The following THEMIS variants were observed in gnomAD, a reference collection of about 807,000 sequenced individuals.
THEMIS encodes the protein thymocyte selection associated.
Under a neutral mutation model 52.6 loss-of-function variants are expected in THEMIS, and 37 were observed. The observed-to-expected ratio is 0.70, with a 90% CI of 0.54 to 0.93. THEMIS has a LOEUF of 0.93. Among genes scored for constraint, THEMIS ranks in the 40% least tolerant of loss-of-function variants. The probability of loss-of-function intolerance (pLI) is 0.00; values close to 1 mark genes in which losing one functional copy is unlikely to be tolerated. For synonymous variants in THEMIS, 292 were observed against 272.7 expected (o/e 1.07, Z -0.70); for missense variants, 808 against 763.1 (o/e 1.06, Z -0.69).
At chr6:127,913,230 T>C (rs181884079) in intron 1 of THEMIS, among the ~76,000 whole-genome samples, 1 of 152,332 alleles carries the variant, frequency 6.6e-6, no homozygotes, top group East Asian at 1.9e-4. Context: ...AAGTCTCTTA[T>C]ACTCATCACT....
At chr6:127,845,244 T>C (rs557524114) in intron 2 of THEMIS, among the ~76,000 whole-genome samples, 1 of 151,962 alleles carries the variant, frequency 6.6e-6, no homozygotes, top group Non-Finnish European at 1.5e-5. Flanking sequence ...TTCTGGGCAC[T>C]CTTGCCAAGG....
At chr6:127,875,840 A>G (rs998107675) in intron 1 of THEMIS, among the ~76,000 whole-genome samples, 1 of 152,188 alleles carries the variant, frequency 6.6e-6, no homozygotes, top group African/African-American at 2.4e-5. Flanking sequence ...TTGTCCTCTC[A>G]TGCCGATGAA....
At chr6:127,824,620 G>A (rs549432586) in intron 3 of THEMIS, among the ~76,000 whole-genome samples, 2 of 151,964 alleles carry the variant, frequency 1.3e-5, no homozygotes, top group Admixed American at 6.5e-5. Flanking sequence ...AACCCCAAAA[G>A]AGGAAGATAT....
chr6:127,747,643 T>A (rs1775496001), intron 4 of THEMIS, among the ~76,000 whole-genome samples: 1 of 151,782 alleles, frequency 6.6e-6, no homozygotes, highest in Admixed American at 6.6e-5. Flanking sequence ...TCTTTTCCCA[T>A]GATAATCATT....
intron 4 of THEMIS, among the ~76,000 whole-genome samples, chr6:127,793,258 T>A (rs1034802543): frequency 6.6e-6 from 1 of 152,054 alleles, no homozygotes; most frequent in Admixed American, 6.6e-5. Flanking sequence ...TGAAGAGGAA[T>A]CTCAACAAGA....
intron 4 of THEMIS, among the ~76,000 whole-genome samples, chr6:127,794,476 C>G (rs1777260575): frequency 6.6e-6 from 1 of 152,192 alleles, no homozygotes; most frequent in South Asian, 2.1e-4. Flanking sequence ...CGCAATATTT[C>G]AGCCTTCTGA....
intron 4 of THEMIS, among the ~76,000 whole-genome samples, chr6:127,765,408 G>A (rs916073313): frequency 3.3e-5 from 5 of 152,054 alleles, no homozygotes; most frequent in African/African-American, 1.2e-4. Context: ...CTGATACCAG[G>A]TCACTAGCTG....
chr6:127,913,909 A>T (rs1414627428), intron 1 of THEMIS, among the ~76,000 whole-genome samples: 1 of 152,198 alleles, frequency 6.6e-6, no homozygotes, highest in Non-Finnish European at 1.5e-5. Context: ...AGCAAACAGC[A>T]CATAAAATGG....
chr6:127,821,011 T>C (rs1274408800), intron 3 of THEMIS, among the ~76,000 whole-genome samples: 3 of 151,946 alleles, frequency 2.0e-5, no homozygotes, highest in Non-Finnish European at 4.4e-5. Flanking sequence ...ATAGTGTTGT[T>C]TTTCTTATAA....
chr6:127,744,842 TAC>T (rs112041681), intron 4 of THEMIS, among the ~76,000 whole-genome samples: 45 of 149,086 alleles, frequency 3.0e-4, no homozygotes, highest in South Asian at 6.4e-4. Context: ...TACACACACA[TAC>T]ACACACACAC....
Position 127,708,470 on chromosome 6 carries a change from C to G in THEMIS, c.*1515G>C, listed in dbSNP as rs2114441859. ...ATTCCAAACAAAAATATTAATTATT[C>G]ACTATTGTTTGAAAAATAACAAATT... is the stretch of plus-strand genomic sequence containing the variant. On this transcript the variant is annotated 3_prime_UTR_variant, in exon 6 of 6. Coordinates refer to ENST00000368248, the MANE Select transcript of THEMIS (RefSeq NM_001010923.3). 1 of 152,104 alleles carries G rather than the reference C, an allele frequency of 6.6e-6. No homozygotes were observed. Among genetic ancestry groups the G allele is most frequent in the African/African-American group, 2.4e-5 (1 of 41,530 alleles). The allele number at this position is 152,104 out of a possible 1,614,324, so 9.4% of individuals were successfully genotyped here. A position where few individuals can be genotyped will look rare whatever the true frequency, so the allele number is the denominator to read the frequency against.
chr6:127,909,645 AG>A (rs1159066211), intron 1 of THEMIS, among the ~76,000 whole-genome samples: 1 of 152,138 alleles, frequency 6.6e-6, no homozygotes, highest in Non-Finnish European at 1.5e-5. Context: ...TGGTAACCAA[AG>A]CTTTGTAATA....
At chr6:127,757,120 G>A (rs907299124) in intron 4 of THEMIS, among the ~76,000 whole-genome samples, 4 of 152,064 alleles carry the variant, frequency 2.6e-5, no homozygotes, top group African/African-American at 7.2e-5. Flanking sequence ...CTCTTGAAAC[G>A]TAACTAGTTC....
At chr6:127,776,418 G>A (rs1776566429) in intron 4 of THEMIS, among the ~76,000 whole-genome samples, 1 of 152,208 alleles carries the variant, frequency 6.6e-6, no homozygotes, top group Non-Finnish European at 1.5e-5. Context: ...TCTCATTCTT[G>A]GGGGAAGCCA....
At chr6:127,724,454 T>C (rs945842877) in intron 4 of THEMIS, among the ~76,000 whole-genome samples, 1 of 152,082 alleles carries the variant, frequency 6.6e-6, no homozygotes, top group African/African-American at 2.4e-5. Context: ...CCTGCTTCTG[T>C]GATGTCAAGT....
chr6:127,782,963 G>T (rs1776799409), intron 4 of THEMIS, among the ~76,000 whole-genome samples: 1 of 152,122 alleles, frequency 6.6e-6, no homozygotes, highest in Admixed American at 6.6e-5. Context: ...AAAGCTGGAG[G>T]TATGATGCTA....
At chr6:127,751,437 T>C (rs965525800) in intron 4 of THEMIS, among the ~76,000 whole-genome samples, 3 of 151,570 alleles carry the variant, frequency 2.0e-5, no homozygotes, top group African/African-American at 4.8e-5. Flanking sequence ...ATCAAAGGAA[T>C]AGAAGAACTC....
At chr6:127,843,375 G>A (rs955840417) in intron 2 of THEMIS, among the ~76,000 whole-genome samples, 7 of 151,228 alleles carry the variant, frequency 4.6e-5, no homozygotes, top group South Asian at 2.1e-4. Context: ...TACCATTAAC[G>A]TAGCCATTGT....
chr6:127,767,582 C>T (rs1455289860), intron 4 of THEMIS, among the ~76,000 whole-genome samples: 2 of 152,132 alleles, frequency 1.3e-5, no homozygotes, highest in Non-Finnish European at 2.9e-5. Flanking sequence ...AGGGGTAGTG[C>T]ACATGAAGTT....
Sources: gnomAD v4.1 joint callset for allele counts (sites outside exome capture counted in the v4.1 genomes callset) on GRCh38, gnomAD v4.1.1 for gene constraint, MANE v1.5 for transcripts, NCBI Gene and HGNC (gene_info 2026-07-23, HGNC 2026-07-21) for gene names.